ZNF330: variants seen among roughly 807,000 people sequenced by gnomAD.
The protein encoded by ZNF330 is nucleolar atypical zinc finger.
In ZNF330, 31 loss-of-function variants were observed where a neutral mutation model predicts 45.5. The ratio of observed to expected loss-of-function variants is 0.68; its 90% CI spans 0.51 to 0.92. The LOEUF (loss-of-function observed/expected upper bound fraction) is 0.92, where lower values mean the gene tolerates loss of function less well. ZNF330 is among the 40% of genes least tolerant of loss of function. The probability of loss-of-function intolerance (pLI) is 0.00; values close to 1 mark genes in which losing one functional copy is unlikely to be tolerated. For missense variants in ZNF330, 356 were observed against 387.4 expected (o/e 0.92, Z 0.68); for synonymous variants, 138 against 123.2 (o/e 1.12, Z -0.79).
At position 141,226,798 on chromosome 4, in the gene ZNF330, CT is replaced by C. The variant is rs1560786003; in HGVS notation, c.244del (p.Cys82ValfsTer3). ...CAAAGTGCATGATGAAGTCTTCAGA[CT>C]GTGTCATAAAGCATGCTGGTGTATA... ...KTKCMMKSSD[C>X]VIKHAGVYST... is the part of the protein sequence containing the mutation. On this transcript the variant is annotated frameshift_variant, in exon 5 of 10. Coordinates refer to ENST00000262990, the MANE Select transcript of ZNF330 (RefSeq NM_014487.6). LOFTEE classifies it high-confidence loss of function. The C allele has an allele frequency of 6.2e-7, 1 of 1,613,028 alleles. No homozygotes were observed. The highest frequency in any genetic ancestry group is 8.5e-7 in the Non-Finnish European group (1 of 1,179,346).
intron 1 of ZNF330, among the ~76,000 whole-genome samples, chr4:141,221,572 G>A (rs1317668606): frequency 1.3e-5 from 2 of 152,004 alleles, no homozygotes; most frequent in African/African-American, 2.4e-5. Flanking sequence ...TTACGTTACC[G>A]AAATAACCAC....
At position 141,220,901 on chromosome 4, in the gene ZNF330, G is replaced by A. The variant is rs1728654606; in HGVS notation, c.-214G>A. ...ACGTCAGCCGTAAGGCGCTGCTGTCGTAAAAGGACGTCCGGTCCGTCTCCT... is the reference window on the plus strand; with the variant it reads ...ACGTCAGCCGTAAGGCGCTGCTGTCATAAAAGGACGTCCGGTCCGTCTCCT... On this transcript the variant is annotated 5_prime_UTR_variant, in exon 1 of 10. Coordinates refer to ENST00000262990, the MANE Select transcript of ZNF330 (RefSeq NM_014487.6). 1 of 152,250 alleles carries A rather than the reference G, an allele frequency of 6.6e-6. No individual in the cohort carries two copies. Among genetic ancestry groups the A allele is most frequent in the South Asian group, 2.1e-4 (1 of 4,836 alleles). The allele number at this position is 152,250 out of a possible 1,614,324, so 9.4% of individuals were successfully genotyped here. A position where few individuals can be genotyped will look rare whatever the true frequency, so the allele number is the denominator to read the frequency against.
chr4:141,222,225 T>C, intron 1 of ZNF330, 141 bp from the exon 2 acceptor site: 1 of 977,314 alleles, frequency 1.0e-6, no homozygotes, highest in Non-Finnish European at 1.5e-6. Flanking sequence ...TCATAAGGCT[T>C]AGAATGTGCT....
chr4:141,222,396 A>G lies in ZNF330; in HGVS notation c.25A>G (p.Arg9Gly). 6.8e-6 allele frequency: 11 copies of G among 1,613,736 alleles called. No homozygotes were observed. Among genetic ancestry groups the G allele is most frequent in the Non-Finnish European group, 9.3e-6 (11 of 1,179,806 alleles). Reference protein sequence around the residue: MPKKKTGARKKAENRRERE... With the variant: MPKKKTGAGKKAENRRERE... ...AATGCCTAAAAAAAAGACTGGTGCG[A>G]GGAAGAAGGCTGAGAACCGCCGAGA... The change falls in exon 2 of 10, where the codon AGG (arginine) becomes GGG (glycine). Residue 9 changes from arginine (R) to glycine (G), a missense_variant. Transcript: ENST00000262990.
In ZNF330 at chr4:141,224,601, G is replaced by C. The variant is rs971470371; in HGVS notation, c.141-6G>C. 6.2e-7 allele frequency: 1 copy of C among 1,613,106 alleles called. No homozygotes were observed. Among genetic ancestry groups the C allele is most frequent in the Non-Finnish European group, 8.5e-7 (1 of 1,179,524 alleles). On this transcript the variant is annotated splice_polypyrimidine_tract_variant and splice_region_variant and intron_variant, in intron 3 of 9. Transcript: ENST00000262990. ...CATAATTTAAAATTTTATTTTACAT[G>C]ACAAGGCGGCAGAAGAATAGAGCAT... is the stretch of plus-strand genomic sequence containing the variant.
rs769715884 is a variant in ZNF330, at chr4:141,229,712, A to G, written c.418+15A>G. ...GTGGGACCATGGTGAGTCATTAGAC[A>G]CAAGTAATGAGCTTTGTTATAGGTG... is the stretch of plus-strand genomic sequence containing the variant. On this transcript the variant is annotated intron_variant, in intron 6 of 9. Coordinates refer to ENST00000262990, the MANE Select transcript of ZNF330 (RefSeq NM_014487.6). 4.3e-6 allele frequency: 7 copies of G among 1,612,710 alleles called. No individual in the cohort carries two copies. In the South Asian group the frequency reaches 7.7e-5, roughly 18 times the overall value.
chr4:141,233,468 A>G (rs1044880507), intron 9 of ZNF330, among the ~76,000 whole-genome samples: 5 of 152,122 alleles, frequency 3.3e-5, no homozygotes, highest in African/African-American at 1.2e-4. Context: ...TTTGTTTTAA[A>G]CATGCCTTAA....
rs994297525 is a variant in ZNF330 at position 141,231,467 on chromosome 4, C to T, written c.552C>T (p.His184=). Residue 184 remains histidine (H), a synonymous_variant, in exon 8 of 10, where the codon CAC becomes CAT. Coordinates refer to ENST00000262990, the MANE Select transcript of ZNF330 (RefSeq NM_014487.6). The part of the protein sequence containing the change: ...KCVSCNRLGQ[H]SCLRCKACFC... ...TTTCATGCAATCGGCTTGGTCAGCACTCATGTCTCCGTTGTAAGGTATACC... is the reference window on the plus strand; with the variant it reads ...TTTCATGCAATCGGCTTGGTCAGCATTCATGTCTCCGTTGTAAGGTATACC... The T allele has an allele frequency of 1.9e-6, 3 of 1,603,470 alleles. No homozygotes were observed. The highest frequency in any genetic ancestry group is 1.4e-5 in the African/African-American group (1 of 73,934).
chr4:141,229,719 A>T, intron 6 of ZNF330, 22 bp downstream of exon 6: 1 of 1,612,484 alleles, frequency 6.2e-7, no homozygotes, highest in South Asian at 1.1e-5. Context: ...GACACAAGTA[A>T]TGAGCTTTGT....
intron 3 of ZNF330, 23 bp downstream of exon 3, chr4:141,224,529 T>C (rs1728755324): frequency 6.2e-7 from 1 of 1,606,120 alleles, no homozygotes; most frequent in Non-Finnish European, 8.5e-7. Context: ...TCTTTTTCTA[T>C]CTACCTTTAA....
At chr4:141,223,704 CTAAATATATA>C (rs141100915) in intron 2 of ZNF330, 6,208 of 455,352 alleles carry the variant, frequency 0.014, 310 homozygotes, top group African/African-American at 0.11. Context: ...ACTGGCATGC[CTAAATATATA>C]TAATGACAGC....
At chr4:141,233,374 A>G (rs1249842425) in intron 9 of ZNF330, among the ~76,000 whole-genome samples, 1 of 152,152 alleles carries the variant, frequency 6.6e-6, no homozygotes, top group Non-Finnish European at 1.5e-5. Context: ...CTGTCTTAAG[A>G]AAAATGTACT....
At chr4:141,222,262 A>T in intron 1 of ZNF330, 104 bp from the exon 2 acceptor site, 2 of 1,365,402 alleles carry the variant, frequency 1.5e-6, no homozygotes, top group Non-Finnish European at 2.0e-6. Context: ...AGAGTTTAAC[A>T]TTTAACAAGA....
intron 8 of ZNF330, among the ~76,000 whole-genome samples, chr4:141,232,001 T>C (rs916146766): frequency 6.6e-6 from 1 of 152,108 alleles, no homozygotes; most frequent in Non-Finnish European, 1.5e-5. Flanking sequence ...TCAGGCATTA[T>C]CTGTGTTTTC....
At position 141,231,436 on chromosome 4, in the gene ZNF330, C is replaced by T. The variant is rs1444745865; in HGVS notation, c.524-3C>T. ...GATTTTAAAATTAATCTATTTCCCA[C>T]AGGTGTTTCATGCAATCGGCTTGGT... On this transcript the variant is annotated splice_polypyrimidine_tract_variant and splice_region_variant and intron_variant, in intron 7 of 9. Transcript: ENST00000262990. The T allele has an allele frequency of 6.3e-7, 1 of 1,595,898 alleles. No homozygotes were observed. The highest frequency in any genetic ancestry group is 8.5e-7 in the Non-Finnish European group (1 of 1,173,478).
chr4:141,232,713 T>C, intron 9 of ZNF330, 71 bp downstream of exon 9: 6 of 852,192 alleles, frequency 7.0e-6, no homozygotes, highest in Non-Finnish European at 8.4e-6. Context: ...TTTTTTTTTT[T>C]TGGTCTATTT....
rs561678007 is a variant in ZNF330, at chr4:141,234,577, G to A, written c.*588G>A. On this transcript the variant is annotated 3_prime_UTR_variant, in exon 10 of 10. Coordinates refer to ENST00000262990, the MANE Select transcript of ZNF330 (RefSeq NM_014487.6). ...GGTACCTATTATTGATGCCTTAAAT[G>A]TATTGATAAGGTGACTAGTTAGCCA... 18 of 152,204 alleles carry A rather than the reference G, an allele frequency of 1.2e-4. No homozygotes were observed. The highest frequency in any genetic ancestry group is 4.3e-4 in the African/African-American group (18 of 41,530). The allele number at this position is 152,204 out of a possible 1,614,324, so 9.4% of individuals were successfully genotyped here.
chr4:141,233,636 C>T, intron 9 of ZNF330, 79 bp from the exon 10 acceptor site: 2 of 1,463,022 alleles, frequency 1.4e-6, no homozygotes, highest in Non-Finnish European at 1.8e-6. Context: ...CAATGAAATC[C>T]ATGAAATTTT....
intron 5 of ZNF330, among the ~76,000 whole-genome samples, chr4:141,228,744 G>A (rs988552407): frequency 1.3e-5 from 2 of 152,012 alleles, no homozygotes; most frequent in Non-Finnish European, 2.9e-5. Flanking sequence ...TTGTTTCAGA[G>A]CCTTGAATAA....
Sources: gnomAD v4.1 joint callset for allele counts (sites outside exome capture counted in the v4.1 genomes callset) on GRCh38, gnomAD v4.1.1 for gene constraint, MANE v1.5 for transcripts, NCBI Gene and HGNC (gene_info 2026-07-23, HGNC 2026-07-21) for gene names.